The following SUMF1 variants were observed in gnomAD, a reference collection of about 807,000 sequenced individuals.
SUMF1 encodes the protein formylglycine-generating enzyme.
SUMF1 carries 48 observed loss-of-function variants against 47.6 expected under a neutral mutation model. The ratio of observed to expected loss-of-function variants is 1.01; its 90% CI spans 0.80 to 1.28. SUMF1 has a LOEUF of 1.28. Among genes scored for constraint, SUMF1 ranks in the 50% most tolerant of loss-of-function variants. The pLI, the probability that SUMF1 is intolerant of heterozygous loss-of-function variation, is 0.00. For synonymous variants in SUMF1, 230 were observed against 192.1 expected (o/e 1.20, Z -1.63); for missense variants, 571 against 485.4 (o/e 1.18, Z -1.66).
At chr3:4,196,258 T>A (rs1695427261) in intron 8 of SUMF1, among the ~76,000 whole-genome samples, 1 of 152,064 alleles carries the variant, frequency 6.6e-6, no homozygotes, top group African/African-American at 2.4e-5. Context: ...TAAGGTCCCA[T>A]CTCAGCTTAA....
chr3:4,130,349 A>T (rs1693758118), intron 8 of SUMF1, among the ~76,000 whole-genome samples: 1 of 152,112 alleles, frequency 6.6e-6, no homozygotes, highest in South Asian at 2.1e-4. Context: ...ACCAGAAGCA[A>T]TTTGCCTTCG....
At chr3:4,165,862 TCCC>T (rs3048242) in intron 8 of SUMF1, among the ~76,000 whole-genome samples, 7,752 of 139,290 alleles carry the variant, frequency 0.056, 708 homozygotes, top group East Asian at 0.19. Flanking sequence ...TTTGTTTGTT[TCCC>T]CCCCCCCCCC....
At chr3:4,148,351 G>GT (rs1481229701) in intron 8 of SUMF1, among the ~76,000 whole-genome samples, 7 of 152,192 alleles carry the variant, frequency 4.6e-5, no homozygotes, top group Admixed American at 4.6e-4. Context: ...TTTTATAGAA[G>GT]TTCTTTGCTT....
At chr3:4,463,262 C>T (rs1215263324) in intron 1 of SUMF1, among the ~76,000 whole-genome samples, 1 of 152,216 alleles carries the variant, frequency 6.6e-6, no homozygotes, top group East Asian at 1.9e-4. Context: ...GAGGCAGAGG[C>T]AGGTGGATCA....
intron 8 of SUMF1, among the ~76,000 whole-genome samples, chr3:4,168,029 T>C (rs1694750900): frequency 6.6e-6 from 1 of 152,184 alleles, no homozygotes; most frequent in Admixed American, 6.5e-5. Flanking sequence ...TTTATTGTGC[T>C]CATAAAAGTT....
chr3:4,302,431 T>C (rs1038755987), intron 8 of SUMF1, among the ~76,000 whole-genome samples: 2 of 152,172 alleles, frequency 1.3e-5, no homozygotes, highest in African/African-American at 4.8e-5. Flanking sequence ...TAAGAGGTTG[T>C]GGATACCAAA....
intron 7 of SUMF1, among the ~76,000 whole-genome samples, chr3:4,397,626 A>G (rs1575173341): frequency 6.6e-6 from 1 of 152,152 alleles, no homozygotes; most frequent in South Asian, 2.1e-4. Flanking sequence ...TTGAAAGTGG[A>G]TAAGTGCTAA....
intron 7 of SUMF1, among the ~76,000 whole-genome samples, chr3:4,407,503 T>A (rs941986488): frequency 6.6e-6 from 1 of 152,188 alleles, no homozygotes; most frequent in Non-Finnish European, 1.5e-5. Context: ...CCTCTGCTTA[T>A]GGAACACATG....
intron 8 of SUMF1, among the ~76,000 whole-genome samples, chr3:4,302,489 A>G (rs1221753643): frequency 6.6e-6 from 1 of 152,112 alleles, no homozygotes; most frequent in Non-Finnish European, 1.5e-5. Context: ...CAGAGAACAG[A>G]TTGTAAATGT....
In SUMF1 at chr3:4,375,806, G is replaced by A. The variant is rs372846483; in HGVS notation, c.1014+524C>T. 3.9e-5 allele frequency among the ~76,000 whole-genome samples: 6 copies of A among 152,132 alleles called. No homozygotes were observed. In the East Asian group the frequency reaches 7.7e-4, roughly 20 times the overall value. On this transcript the variant is annotated intron_variant, in intron 8 of 8. Coordinates refer to ENST00000272902, the MANE Select transcript of SUMF1 (RefSeq NM_182760.4). ...CAAGTCACTCTAACTGATGAAGAAA[G>A]CCAGCTCAGACACTAAAATCATAGC... is the stretch of plus-strand genomic sequence containing the variant.
intron 8 of SUMF1, among the ~76,000 whole-genome samples, chr3:4,191,235 G>A (rs1695308096): frequency 3.3e-5 from 5 of 152,140 alleles, no homozygotes; most frequent in Admixed American, 2.6e-4. Flanking sequence ...TAGAGTGGCT[G>A]TAGGGGAAGC....
intron 8 of SUMF1, among the ~76,000 whole-genome samples, chr3:4,102,155 G>A (rs1693048502): frequency 6.6e-6 from 1 of 152,118 alleles, no homozygotes; most frequent in African/African-American, 2.4e-5. Context: ...AGATTTTGGT[G>A]GGGATACAGC....
At position 4,211,199 on chromosome 3, in the gene SUMF1, C is replaced by CATATATATATATATATAT. The variant is rs3046224; in HGVS notation, c.1015-142455_1015-142454insATATATATATATATATAT. Among the ~76,000 whole-genome samples, 629 of 84,776 alleles carry CATATATATATATATATAT rather than the reference C, an allele frequency of 7.4e-3. 36 individuals are homozygous for CATATATATATATATATAT. The highest frequency in any genetic ancestry group is 9.6e-3 in the Non-Finnish European group (417 of 43,382). The allele number at this position is 84,776 out of a possible 152,430, so 55.6% of individuals were successfully genotyped here. ...ATATATATACATATACATATACATA[C>CATATATATATATATATAT]ATACATATATATATATATATATATA... On this transcript the variant is annotated intron_variant and NMD_transcript_variant, in intron 8 of 12. Coordinates refer to the SUMF1 transcript ENST00000448413.
At chr3:4,103,685 T>C (rs1413650482) in intron 8 of SUMF1, among the ~76,000 whole-genome samples, 5 of 152,116 alleles carry the variant, frequency 3.3e-5, no homozygotes, top group African/African-American at 1.2e-4. Context: ...ATGGATACAC[T>C]TACTATGTAT....
At chr3:4,127,582 T>C (rs562364583) in intron 8 of SUMF1, among the ~76,000 whole-genome samples, 3 of 152,264 alleles carry the variant, frequency 2.0e-5, no homozygotes, top group Admixed American at 6.5e-5. Context: ...AGTTCTTCAG[T>C]TTTGGCGCTT....
intron 9 of SUMF1, among the ~76,000 whole-genome samples, chr3:4,051,485 T>G (rs998270350): frequency 6.6e-6 from 1 of 152,086 alleles, no homozygotes; most frequent in Non-Finnish European, 1.5e-5. Flanking sequence ...AATCCCCAAA[T>G]TAAATATTAT....
intron 8 of SUMF1, among the ~76,000 whole-genome samples, chr3:4,206,173 C>T (rs928930333): frequency 6.6e-6 from 1 of 151,316 alleles, no homozygotes; most frequent in Non-Finnish European, 1.5e-5. Context: ...CCTCTCCTTT[C>T]CTCAAGCAGA....
At chr3:4,080,861 T>C (rs1293392535) in intron 8 of SUMF1, among the ~76,000 whole-genome samples, 1 of 152,154 alleles carries the variant, frequency 6.6e-6, no homozygotes, top group Non-Finnish European at 1.5e-5. Flanking sequence ...ATAACACACA[T>C]ATTAAGAATC....
chr3:4,255,220 C>A (rs377395262), intron 8 of SUMF1, among the ~76,000 whole-genome samples: 11 of 132,630 alleles, frequency 8.3e-5, no homozygotes, highest in South Asian at 5.0e-4. Context: ...CGAGCAAAAT[C>A]ACCAGCTAAC....
Sources: allele counts gnomAD v4.1 joint callset (sites outside exome capture counted in the v4.1 genomes callset), GRCh38; gene constraint gnomAD v4.1.1; transcripts MANE v1.5; gene names NCBI Gene and HGNC (gene_info 2026-07-23, HGNC 2026-07-21).